Variants in DLG2 observed in about 807,000 individuals in gnomAD.
DLG2 encodes disks large homolog 2.
In DLG2, 45 loss-of-function variants were observed where a neutral mutation model predicts 132.5. The observed-to-expected ratio is 0.34, with a 90% CI of 0.27 to 0.44. The LOEUF (loss-of-function observed/expected upper bound fraction) is 0.44, where lower values mean the gene tolerates loss of function less well. DLG2 is among the 20% of genes least tolerant of loss of function. DLG2 has a pLI of 1.00. For missense variants in DLG2, 1,045 were observed against 1,196.9 expected (o/e 0.87, Z 1.87); for synonymous variants, 424 against 419.6 (o/e 1.01, Z -0.13).
At chr11:83,799,068 T>A (rs2043614274) in intron 17 of DLG2, among the ~76,000 whole-genome samples, 1 of 152,230 alleles carries the variant, frequency 6.6e-6, no homozygotes, top group African/African-American at 2.4e-5. Flanking sequence ...ACCTCACATT[T>A]GTTACTGAAC....
intron 14 of DLG2, among the ~76,000 whole-genome samples, chr11:83,942,934 C>T (rs948430059): frequency 6.6e-6 from 1 of 152,124 alleles, no homozygotes; most frequent in Admixed American, 6.5e-5. Context: ...GTGGGAGGGA[C>T]CCTGTGGGAG....
At chr11:84,267,652 G>A (rs1336644027) in intron 7 of DLG2, among the ~76,000 whole-genome samples, 1 of 152,176 alleles carries the variant, frequency 6.6e-6, no homozygotes, top group African/African-American at 2.4e-5. Flanking sequence ...GAGTTTTGGG[G>A]GACCCAGAAA....
At chr11:85,254,912 T>C (rs1396286911) in intron 4 of DLG2, among the ~76,000 whole-genome samples, 1 of 150,706 alleles carries the variant, frequency 6.6e-6, no homozygotes, top group Non-Finnish European at 1.5e-5. Flanking sequence ...GGCAGTAGAA[T>C]GGCGTGAACC....
intron 7 of DLG2, among the ~76,000 whole-genome samples, chr11:84,513,666 C>T (rs116460011): frequency 0.013 from 1,976 of 151,918 alleles, 40 homozygotes; most frequent in African/African-American, 0.046. Flanking sequence ...TCTCTTGCTT[C>T]ATACAAAAAT....
chr11:85,447,593 A>G (rs2092067484), intron 3 of DLG2, among the ~76,000 whole-genome samples: 1 of 152,198 alleles, frequency 6.6e-6, no homozygotes, highest in Admixed American at 6.5e-5. Flanking sequence ...ATTAGCTTCA[A>G]GAATTGTGAG....
chr11:85,298,783 T>C (rs1398120427), intron 3 of DLG2, among the ~76,000 whole-genome samples: 4 of 151,926 alleles, frequency 2.6e-5, no homozygotes, highest in Admixed American at 2.0e-4. Flanking sequence ...GATGGTAATA[T>C]TGCAGTTATA....
chr11:83,532,245 C>A (rs1283768652), intron 21 of DLG2, among the ~76,000 whole-genome samples: 2 of 151,984 alleles, frequency 1.3e-5, no homozygotes, highest in Non-Finnish European at 2.9e-5. Context: ...GTCATTAATT[C>A]TCTTCTATGT....
At chr11:85,339,282 C>T (rs1464669228) in intron 3 of DLG2, among the ~76,000 whole-genome samples, 1 of 152,102 alleles carries the variant, frequency 6.6e-6, no homozygotes, top group African/African-American at 2.4e-5. Flanking sequence ...AAGTTGTTTG[C>T]AATTTTTTAT....
chr11:83,517,086 G>A (rs2095321131), intron 21 of DLG2, among the ~76,000 whole-genome samples: 1 of 152,108 alleles, frequency 6.6e-6, no homozygotes, highest in Non-Finnish European at 1.5e-5. Context: ...GCTAGATTGG[G>A]GAAGTTCTCC....
At chr11:85,547,441 T>C (rs972643207) in intron 3 of DLG2, among the ~76,000 whole-genome samples, 5 of 152,216 alleles carry the variant, frequency 3.3e-5, no homozygotes, top group Non-Finnish European at 1.5e-5. Context: ...CATTTCAATG[T>C]GAATCTGACA....
In DLG2 at chr11:84,362,446, T is replaced by C. The variant is rs993684345; in HGVS notation, c.520-111155A>G. 2.6e-5 allele frequency among the ~76,000 whole-genome samples: 4 copies of C among 152,154 alleles called. No individual in the cohort carries two copies. The South Asian group carries it at 8.3e-4, about 32-fold the overall frequency. ...ACATGTCTGGCAAGTGTTTGTTCTATGGGGAATTTATCTACCTCACCTGAA... is the reference window on the plus strand; with the variant it reads ...ACATGTCTGGCAAGTGTTTGTTCTACGGGGAATTTATCTACCTCACCTGAA... On this transcript the variant is annotated intron_variant, in intron 7 of 27. Transcript: ENST00000376104.
intron 17 of DLG2, among the ~76,000 whole-genome samples, chr11:83,794,443 T>G (rs78189106): frequency 5.5e-5 from 1 of 18,218 alleles, no homozygotes; most frequent in Non-Finnish European, 1.1e-4. Context: ...ATTGGTTTTT[T>G]TTTTTTTTTT....
chr11:83,465,067 T>A (rs758894048), intron 26 of DLG2, among the ~76,000 whole-genome samples: 19 of 152,166 alleles, frequency 1.2e-4, no homozygotes, highest in Non-Finnish European at 2.5e-4. Flanking sequence ...TAAGAATCAT[T>A]ATTTTATCAT....
intron 9 of DLG2, 109 bp from the exon 10 acceptor site, chr11:84,099,156 C>A: frequency 2.0e-6 from 2 of 1,001,464 alleles, no homozygotes; most frequent in South Asian, 1.5e-5. Flanking sequence ...CAGGTGACAA[C>A]AGTCTTGTAT....
chr11:84,471,965 A>T (rs2099109591), intron 7 of DLG2, among the ~76,000 whole-genome samples: 1 of 149,992 alleles, frequency 6.7e-6, no homozygotes, highest in South Asian at 2.1e-4. Context: ...AAATTAAGGA[A>T]AAAAAAAGAA....
intron 16 of DLG2, among the ~76,000 whole-genome samples, chr11:83,872,659 T>A (rs914842632): frequency 6.6e-6 from 1 of 152,182 alleles, no homozygotes; most frequent in Non-Finnish European, 1.5e-5. Flanking sequence ...TTGAAAAATA[T>A]TCTTAGGGCA....
chr11:84,529,333 A>T (rs1273804226), intron 7 of DLG2, among the ~76,000 whole-genome samples: 1 of 152,194 alleles, frequency 6.6e-6, no homozygotes, highest in Non-Finnish European at 1.5e-5. Flanking sequence ...GCATCCAAAT[A>T]GGAAGAGAAG....
intron 17 of DLG2, among the ~76,000 whole-genome samples, chr11:83,805,949 T>C (rs1465198743): frequency 6.6e-6 from 1 of 152,148 alleles, no homozygotes; most frequent in African/African-American, 2.4e-5. Context: ...ATGAGAATGC[T>C]AGAGTTCAAT....
chr11:84,834,766 C>T (rs2079503922), intron 6 of DLG2, among the ~76,000 whole-genome samples: 2 of 143,184 alleles, frequency 1.4e-5, no homozygotes, highest in Admixed American at 7.2e-5. Flanking sequence ...ACTAGGAAAA[C>T]ACAAATGCCA....
Sources: gnomAD v4.1 joint callset for allele counts (sites outside exome capture counted in the v4.1 genomes callset) on GRCh38, gnomAD v4.1.1 for gene constraint, MANE v1.5 for transcripts, NCBI Gene and HGNC (gene_info 2026-07-23, HGNC 2026-07-21) for gene names.